POLR1D: variants seen among roughly 807,000 people sequenced by gnomAD.
POLR1D encodes the protein RNA polymerase I and III subunit D.
A neutral mutation model predicts 10.8 loss-of-function variants in POLR1D; 8 were observed. The observed-to-expected ratio is 0.74, with a 90% CI of 0.43 to 1.33. The LOEUF (loss-of-function observed/expected upper bound fraction) is 1.33, where lower values mean the gene tolerates loss of function less well. Ranked by LOEUF, POLR1D falls within the 40% of genes most tolerant of loss-of-function variation. The pLI, the probability that POLR1D is intolerant of heterozygous loss-of-function variation, is 0.01. For missense variants in POLR1D, 152 were observed against 161.7 expected (o/e 0.94, Z 0.32); for synonymous variants, 54 against 57.2 (o/e 0.94, Z 0.25).
chr13:27,639,919 A>G (rs1336473943), intron 1 of POLR1D, among the ~76,000 whole-genome samples: 1 of 152,136 alleles, frequency 6.6e-6, no homozygotes, highest in Non-Finnish European at 1.5e-5. Flanking sequence ...CATGTTTTGT[A>G]ATAGAGCCGT....
chr13:27,664,355 A>G (rs1326229734), intron 2 of POLR1D, among the ~76,000 whole-genome samples: 1 of 152,116 alleles, frequency 6.6e-6, no homozygotes, highest in Non-Finnish European at 1.5e-5. Flanking sequence ...TGTGGCTTCT[A>G]AACTCCAGAG....
chr13:27,642,936 A>T (rs1023682765), intron 1 of POLR1D, among the ~76,000 whole-genome samples: 8 of 152,230 alleles, frequency 5.3e-5, no homozygotes, highest in African/African-American at 1.9e-4. Flanking sequence ...AAAGGATCTC[A>T]TTAATTTTCC....
chr13:27,653,046 C>T (rs1271534535), intron 2 of POLR1D, among the ~76,000 whole-genome samples: 1 of 150,862 alleles, frequency 6.6e-6, no homozygotes, highest in Non-Finnish European at 1.5e-5. Context: ...TTACAGGTGC[C>T]CACCACCATG....
chr13:27,637,728 A>G (rs560479361), intron 1 of POLR1D, among the ~76,000 whole-genome samples: 7 of 152,266 alleles, frequency 4.6e-5, no homozygotes, highest in African/African-American at 1.4e-4. Context: ...CACCAGAAAA[A>G]CAACTTGAAA....
chr13:27,658,401 C>T (rs10492485), intron 2 of POLR1D, among the ~76,000 whole-genome samples: 1 of 152,174 alleles, frequency 6.6e-6, no homozygotes. Context: ...CAAGACCCAT[C>T]GCTGTGGAGT....
At chr13:27,656,360 A>G (rs1046513840) in intron 2 of POLR1D, among the ~76,000 whole-genome samples, 1 of 152,166 alleles carries the variant, frequency 6.6e-6, no homozygotes, top group African/African-American at 2.4e-5. Flanking sequence ...GTGTCTGTGT[A>G]TGTGTATGTG....
chr13:27,622,784 A>G, intron 1 of POLR1D, 91 bp from the exon 2 acceptor site: 1 of 766,274 alleles, frequency 1.3e-6, no homozygotes, highest in Admixed American at 2.2e-5. Context: ...ATTAATAATA[A>G]TGTGTTGCAA....
intron 1 of POLR1D, among the ~76,000 whole-genome samples, chr13:27,629,934 T>A (rs1438578889): frequency 6.6e-6 from 1 of 152,072 alleles, no homozygotes; most frequent in Non-Finnish European, 1.5e-5. Context: ...ATTTTTGAGA[T>A]GGAGTCTCAC....
intron 1 of POLR1D, among the ~76,000 whole-genome samples, chr13:27,631,275 C>T (rs1274260260): frequency 6.6e-6 from 1 of 152,176 alleles, no homozygotes; most frequent in East Asian, 1.9e-4. Context: ...CCCACAAGCT[C>T]ACTCATATGG....
intron 1 of POLR1D, among the ~76,000 whole-genome samples, chr13:27,635,498 A>G (rs1187431742): frequency 1.3e-5 from 2 of 152,112 alleles, no homozygotes; most frequent in Non-Finnish European, 2.9e-5. Context: ...AAAGGGAAAC[A>G]GGAACTTCAA....
chr13:27,625,222 AT>A (rs1238445479), downstream of POLR1D, among the ~76,000 whole-genome samples: 1 of 152,108 alleles, frequency 6.6e-6, no homozygotes, highest in Non-Finnish European at 1.5e-5. Flanking sequence ...GGGATTTTGG[AT>A]TTTAGGTTCA....
At chr13:27,639,927 C>T (rs1227798257) in intron 1 of POLR1D, among the ~76,000 whole-genome samples, 2 of 152,060 alleles carry the variant, frequency 1.3e-5, no homozygotes, top group East Asian at 1.9e-4. Context: ...GTAATAGAGC[C>T]GTAGTGTAAG....
chr13:27,665,886 C>CA lies in POLR1D; in HGVS notation c.302_303insA (p.Ser102GlnfsTer76). Reference sequence around the variant, plus strand: ...CACAGCTTCCGCGCTCGAGGTTCCGCCAGTTACTCCCCGCCACGAAAGCGG... The same window carrying CA: ...CACAGCTTCCGCGCTCGAGGTTCCGCACAGTTACTCCCCGCCACGAAAGCGG... On this transcript the variant is annotated frameshift_variant, in exon 3 of 3. Transcript: ENST00000399697. LOFTEE classifies it low-confidence loss of function (END_TRUNC). The CA allele has an allele frequency of 6.2e-7, 1 of 1,614,122 alleles. No homozygotes were observed. Among genetic ancestry groups the CA allele is most frequent in the Non-Finnish European group, 8.5e-7 (1 of 1,179,958 alleles).
At chr13:27,666,143 A>G (rs1956416485) in exon 3 of POLR1D, 1 of 592,754 alleles carries the variant, frequency 1.7e-6, no homozygotes, top group Non-Finnish European at 3.0e-6. Flanking sequence ...AACAAGTGCA[A>G]AGGAGGATGT....
downstream of POLR1D, among the ~76,000 whole-genome samples, chr13:27,624,006 G>A (rs1955981182): frequency 6.6e-6 from 1 of 152,226 alleles, no homozygotes; most frequent in African/African-American, 2.4e-5. Flanking sequence ...CTAGGGTAAT[G>A]TAGAAGAAGC....
chr13:27,623,956 G>A (rs1390095342), downstream of POLR1D, among the ~76,000 whole-genome samples: 2 of 152,158 alleles, frequency 1.3e-5, no homozygotes, highest in Non-Finnish European at 2.9e-5. Flanking sequence ...AGAAAATTGG[G>A]ATGACTAGAA....
At chr13:27,624,490 G>A (rs1000286357), downstream of POLR1D, among the ~76,000 whole-genome samples, 10 of 152,164 alleles carry the variant, frequency 6.6e-5, no homozygotes, top group Non-Finnish European at 1.0e-4. Flanking sequence ...TCTTTAAAGA[G>A]ATATCCATAT....
In POLR1D at chr13:27,634,301, T is replaced by C. The variant is rs181346744; in HGVS notation, c.26+12292T>C. The stretch of plus-strand genomic sequence containing the variant: ...GTCTTTAGAAGTGTTAGCTTACAGG[T>C]GTGTCACTGTCTGCTGCCCAGACTT... On this transcript the variant is annotated intron_variant, in intron 1 of 2. Coordinates refer to the POLR1D transcript ENST00000399697. 2.6e-5 allele frequency among the ~76,000 whole-genome samples: 4 copies of C among 152,316 alleles called. No individual in the cohort carries two copies. In the East Asian group the frequency reaches 7.7e-4, roughly 29 times the overall value.
In POLR1D at chr13:27,623,395, G is replaced by A; in HGVS notation, c.*145G>A. 2 of 1,484,452 alleles carry A rather than the reference G, an allele frequency of 1.3e-6. No homozygotes were observed. Among genetic ancestry groups the A allele is most frequent in the South Asian group, 2.6e-5 (2 of 77,514 alleles). 92.0% of individuals were successfully genotyped at this position (1,484,452 alleles called of 1,614,324 possible). On this transcript the variant is annotated 3_prime_UTR_variant, in exon 2 of 2. Coordinates refer to ENST00000302979, the MANE Select transcript of POLR1D (RefSeq NM_015972.4). ...TAGCTGTTGACCCCTTGCAGCTGTT[G>A]GAATCTCTGCAAGAACCTCTGTATT...
Sources: allele counts gnomAD v4.1 joint callset (sites outside exome capture counted in the v4.1 genomes callset), GRCh38; gene constraint gnomAD v4.1.1; transcripts MANE v1.5; gene names NCBI Gene and HGNC (gene_info 2026-07-23, HGNC 2026-07-21).